Variants in TSHZ2 observed in about 807,000 individuals in gnomAD.
TSHZ2 encodes the protein teashirt zinc finger homeobox 2.
A neutral mutation model predicts 74.4 loss-of-function variants in TSHZ2; 21 were observed. That is an observed-to-expected ratio of 0.28 (90% CI 0.20 to 0.41). TSHZ2 has a LOEUF of 0.41. Among genes scored for constraint, TSHZ2 ranks in the 10% least tolerant of loss-of-function variants. The pLI, the probability that TSHZ2 is intolerant of heterozygous loss-of-function variation, is 1.00. For synonymous variants in TSHZ2, 540 were observed against 515.3 expected, an observed-to-expected ratio of 1.05 and a Z score of -0.65; for missense variants, 1,244 against 1,293.5, an observed-to-expected ratio of 0.96 and a Z score of 0.59.
In TSHZ2 at chr20:53,356,867, A is replaced by AAAT. The variant is rs970204416; in HGVS notation, c.*8+100317_*8+100319dup. Among the ~76,000 whole-genome samples the AAAT allele has an allele frequency of 6.2e-3, 943 of 151,966 alleles. 7 individuals carry two copies. The highest frequency in any genetic ancestry group is 0.02 in the African/African-American group (833 of 41,470). On this transcript the variant is annotated intron_variant, in intron 2 of 2. Coordinates refer to ENST00000371497, the MANE Select transcript of TSHZ2 (RefSeq NM_173485.6). ...GCAACACTCTTTCCAGAAAACAGGAAAATAATAATAATAATAATAATAAGG... is the reference window on the plus strand; with the variant it reads ...GCAACACTCTTTCCAGAAAACAGGAAAATAATAATAATAATAATAATAATAAGG...
At position 52,973,315 on chromosome 20, in the gene TSHZ2, G is replaced by A; in HGVS notation, c.22G>A (p.Ala8Thr). ...GAGGATGCCGAGGAGAAAACAGCAGGCACCCAAGCGGGCGGCAGGTAAGAG... is the reference window on the plus strand; with the variant it reads ...GAGGATGCCGAGGAGAAAACAGCAGACACCCAAGCGGGCGGCAGGTAAGAG... MPRRKQQAPKRAAGYAQE... is the reference protein window; with the variant it reads MPRRKQQTPKRAAGYAQE... Residue 8 changes from alanine (A) to threonine (T), a missense_variant, in exon 1 of 3, where the codon GCA becomes ACA. Ala to Thr is a moderately conservative substitution (Grantham distance 58). Transcript: ENST00000371497. 2 of 1,550,424 alleles carry A rather than the reference G, an allele frequency of 1.3e-6. No homozygotes were observed. Among genetic ancestry groups the A allele is most frequent in the South Asian group, 1.2e-5 (1 of 84,094 alleles).
intron 2 of TSHZ2, among the ~76,000 whole-genome samples, chr20:53,441,509 A>G (rs956423197): frequency 1.3e-5 from 2 of 151,792 alleles, no homozygotes; most frequent in African/African-American, 4.8e-5. Context: ...GATTGTCTCA[A>G]TCTCCTGACC....
chr20:52,984,205 G>C (rs1321005495), intron 1 of TSHZ2, among the ~76,000 whole-genome samples: 5 of 152,150 alleles, frequency 3.3e-5, no homozygotes, highest in Non-Finnish European at 7.4e-5. Flanking sequence ...TGTGTACCAG[G>C]TGCTGTAGGA....
chr20:52,981,444 C>A (rs1380111255), intron 1 of TSHZ2, among the ~76,000 whole-genome samples: 1 of 152,102 alleles, frequency 6.6e-6, no homozygotes, highest in Non-Finnish European at 1.5e-5. Flanking sequence ...AGGATTGTGT[C>A]AGAGGAGGGC....
intron 2 of TSHZ2, among the ~76,000 whole-genome samples, chr20:53,336,961 A>G (rs1229673297): frequency 6.6e-6 from 1 of 152,214 alleles, no homozygotes; most frequent in African/African-American, 2.4e-5. Flanking sequence ...ATACCTATAT[A>G]TGTGTATACA....
At chr20:53,395,928 G>GTGTTTGTT (rs145359092) in intron 2 of TSHZ2, among the ~76,000 whole-genome samples, 2 of 151,964 alleles carry the variant, frequency 1.3e-5, no homozygotes, top group East Asian at 1.9e-4. Context: ...AGTTTTAAGC[G>GTGTTTGTT]TGTTTGTTTG....
At chr20:53,032,873 C>A (rs1013016342) in intron 1 of TSHZ2, among the ~76,000 whole-genome samples, 1 of 152,100 alleles carries the variant, frequency 6.6e-6, no homozygotes, top group Non-Finnish European at 1.5e-5. Context: ...TTGCACAATA[C>A]TGGGCCAGTC....
chr20:53,310,779 T>C (rs755912807), intron 2 of TSHZ2, among the ~76,000 whole-genome samples: 2 of 151,694 alleles, frequency 1.3e-5, no homozygotes, highest in Non-Finnish European at 2.9e-5. Context: ...GGAGAAAGAG[T>C]CTCTTTCAAG....
At chr20:53,370,609 T>A (rs185892189) in intron 2 of TSHZ2, among the ~76,000 whole-genome samples, 4 of 151,866 alleles carry the variant, frequency 2.6e-5, no homozygotes, top group East Asian at 1.9e-4. Context: ...AAAAAATTTT[T>A]AAAAATTAGC....
intron 1 of TSHZ2, chr20:53,196,599 A>G (rs1988876249): frequency 6.6e-6 from 1 of 152,208 alleles, no homozygotes; most frequent in African/African-American, 2.4e-5. Context: ...AACCTAGCCC[A>G]TTACTATGAT....
At chr20:53,002,729 G>A (rs1427617107) in intron 1 of TSHZ2, among the ~76,000 whole-genome samples, 1 of 152,144 alleles carries the variant, frequency 6.6e-6, no homozygotes, top group East Asian at 1.9e-4. Context: ...GTATAAGGAT[G>A]TCCAGTACAG....
chr20:53,445,307 T>C (rs537295507), intron 2 of TSHZ2, among the ~76,000 whole-genome samples: 79 of 152,326 alleles, frequency 5.2e-4, no homozygotes, highest in African/African-American at 1.8e-3. Context: ...AATATAACGA[T>C]AGAAAAGTGC....
chr20:53,287,204 C>G (rs193198927), intron 2 of TSHZ2, among the ~76,000 whole-genome samples: 2 of 152,262 alleles, frequency 1.3e-5, no homozygotes, highest in East Asian at 1.9e-4. Flanking sequence ...CAAAAATAGA[C>G]ATAATAATGA....
chr20:53,128,232 C>T (rs1987001298), intron 1 of TSHZ2, among the ~76,000 whole-genome samples: 1 of 152,216 alleles, frequency 6.6e-6, no homozygotes, highest in Non-Finnish European at 1.5e-5. Flanking sequence ...AGAGGCTCAA[C>T]CCCATATGGG....
intron 2 of TSHZ2, among the ~76,000 whole-genome samples, chr20:53,479,515 G>T (rs6097439): frequency 0.2 from 30,424 of 152,010 alleles, 3,212 homozygotes; most frequent in East Asian, 0.3. Flanking sequence ...TAATACAAAG[G>T]TGACTTGATT....
intron 2 of TSHZ2, among the ~76,000 whole-genome samples, chr20:53,353,994 C>G (rs1460719920): frequency 6.6e-6 from 1 of 152,264 alleles, no homozygotes; most frequent in Admixed American, 6.5e-5. Flanking sequence ...GTTGGTCACC[C>G]TATCAGAGAA....
intron 1 of TSHZ2, among the ~76,000 whole-genome samples, chr20:53,015,786 G>C (rs1487903340): frequency 6.6e-6 from 1 of 152,066 alleles, no homozygotes; most frequent in Admixed American, 6.6e-5. Context: ...TCATGCTGCT[G>C]GGACAGGATG....
chr20:53,135,035 CAA>C (rs1491571748), intron 1 of TSHZ2, among the ~76,000 whole-genome samples: 1 of 149,884 alleles, frequency 6.7e-6, no homozygotes. Context: ...CACACACACA[CAA>C]GGGTTGTGGC....
In TSHZ2 at chr20:53,280,070, T is replaced by C. The variant is rs749313139; in HGVS notation, c.*8+23499T>C. On this transcript the variant is annotated intron_variant, in intron 2 of 2. Coordinates refer to ENST00000371497, the MANE Select transcript of TSHZ2 (RefSeq NM_173485.6). Reference sequence around the variant, plus strand: ...TCTGAATACATTGAGAGGCTTTAAATAGGGAAAGAGCATGACCCAATGGGC... The same window carrying C: ...TCTGAATACATTGAGAGGCTTTAAACAGGGAAAGAGCATGACCCAATGGGC... 5.3e-5 allele frequency among the ~76,000 whole-genome samples: 8 copies of C among 152,134 alleles called. No homozygotes were observed. In the East Asian group the frequency reaches 1.2e-3, roughly 22 times the overall value.
Sources: gnomAD v4.1 joint callset for allele counts (sites outside exome capture counted in the v4.1 genomes callset) on GRCh38, gnomAD v4.1.1 for gene constraint, MANE v1.5 for transcripts, NCBI Gene and HGNC (gene_info 2026-07-23, HGNC 2026-07-21) for gene names.